KCNC4: variants seen among roughly 807,000 people sequenced by gnomAD.
KCNC4 encodes potassium voltage-gated channel subfamily C member 4.
Under a neutral mutation model 42.8 loss-of-function variants are expected in KCNC4, and 23 were observed. The ratio of observed to expected loss-of-function variants is 0.54; its 90% CI spans 0.39 to 0.76. KCNC4 has a LOEUF of 0.76. Among genes scored for constraint, KCNC4 ranks in the 30% least tolerant of loss-of-function variants. The pLI is 0.00. For missense variants in KCNC4, 751 were observed against 898.2 expected, an observed-to-expected ratio of 0.84 and a Z score of 2.10; for synonymous variants, 422 against 393.5, an observed-to-expected ratio of 1.07 and a Z score of -0.86.
intron 1 of KCNC4, among the ~76,000 whole-genome samples, chr1:110,278,565 A>G (rs1269020748): frequency 2.0e-5 from 3 of 152,192 alleles, no homozygotes; most frequent in Admixed American, 2.0e-4. Flanking sequence ...TCCCACTTAT[A>G]AGAATATCTT....
At chr1:110,276,277 A>C (rs1265617697) in intron 1 of KCNC4, among the ~76,000 whole-genome samples, 4 of 137,714 alleles carry the variant, frequency 2.9e-5, no homozygotes, top group African/African-American at 1.1e-4. Context: ...AAAAAGCTGC[A>C]CTTATATCCT....
chr1:110,269,332 TC>T (rs1262075691), intron 1 of KCNC4, among the ~76,000 whole-genome samples: 1 of 152,046 alleles, frequency 6.6e-6, no homozygotes, highest in Admixed American at 6.5e-5. Flanking sequence ...GCCAACAACT[TC>T]CCCCATCGCC....
At chr1:110,216,272 T>G (rs570090509) in intron 1 of KCNC4, among the ~76,000 whole-genome samples, 1 of 152,296 alleles carries the variant, frequency 6.6e-6, no homozygotes, top group Admixed American at 6.5e-5. Context: ...CCCTCTGAGC[T>G]AGGGTGAACC....
At chr1:110,226,264 T>G (rs1286734793) in intron 3 of KCNC4, 86 bp downstream of exon 3, 2 of 1,135,504 alleles carry the variant, frequency 1.8e-6, no homozygotes, top group Non-Finnish European at 1.3e-6. Flanking sequence ...GGTCCCCCCC[T>G]CCCCTGAGAC....
chr1:110,236,335 G>A (rs930708982), downstream of KCNC4: 1 of 152,206 alleles, frequency 6.6e-6, no homozygotes, highest in African/African-American at 2.4e-5. Flanking sequence ...AAGTAGCAAA[G>A]CTGGGATTCA....
chr1:110,272,131 C>A (rs1164425555), intron 1 of KCNC4, among the ~76,000 whole-genome samples: 1 of 152,204 alleles, frequency 6.6e-6, no homozygotes, highest in Non-Finnish European at 1.5e-5. Flanking sequence ...CTGAAGGGAC[C>A]AGCTGGACTG....
chr1:110,220,822 TGGC>T (rs1420393880), intron 1 of KCNC4: 1 of 152,214 alleles, frequency 6.6e-6, no homozygotes, highest in Non-Finnish European at 1.5e-5. Context: ...TGTATTGACT[TGGC>T]AGCCCCTTTC....
chr1:110,282,200 C>T (rs770588048), intron 1 of KCNC4, among the ~76,000 whole-genome samples: 1 of 152,248 alleles, frequency 6.6e-6, no homozygotes, highest in Non-Finnish European at 1.5e-5. Flanking sequence ...TTATCTCAAT[C>T]ACTCCCTGGA....
chr1:110,280,001 C>G (rs1659793511), intron 1 of KCNC4, among the ~76,000 whole-genome samples: 1 of 152,080 alleles, frequency 6.6e-6, no homozygotes, highest in South Asian at 2.1e-4. Context: ...GTTGGCCAGG[C>G]TGGTCTCAAT....
chr1:110,280,683 A>G (rs1659805715), intron 1 of KCNC4, among the ~76,000 whole-genome samples: 1 of 152,194 alleles, frequency 6.6e-6, no homozygotes, highest in Admixed American at 6.5e-5. Flanking sequence ...TGCAATTCAA[A>G]TAACAACAAA....
chr1:110,254,093 G>GC (rs1356996770), downstream of KCNC4, among the ~76,000 whole-genome samples: 1 of 127,448 alleles, frequency 7.8e-6, no homozygotes, highest in Non-Finnish European at 1.7e-5. Flanking sequence ...CAGAAGTCGG[G>GC]GGGGGGGCGG....
intron 3 of KCNC4, among the ~76,000 whole-genome samples, chr1:110,229,636 ATTAAGTGTATTCAT>A (rs985351753): frequency 1.3e-5 from 2 of 152,236 alleles, no homozygotes; most frequent in Admixed American, 6.5e-5. Flanking sequence ...AATTTCTATA[ATTAAGTGTATTCAT>A]TTACCTAACG....
chr1:110,250,590 T>C (rs1477805843), downstream of KCNC4, among the ~76,000 whole-genome samples: 1 of 152,190 alleles, frequency 6.6e-6, no homozygotes, highest in Non-Finnish European at 1.5e-5. Flanking sequence ...TCAGTGTGGA[T>C]AGAGATTCCT....
chr1:110,245,538 T>C (rs1395376862), exon 4 of KCNC4: 1 of 151,978 alleles, frequency 6.6e-6, no homozygotes, highest in Non-Finnish European at 1.5e-5. Flanking sequence ...ATCCTGCACG[T>C]GGTGATTGTA....
In KCNC4 at chr1:110,226,033, C is replaced by G; in HGVS notation, c.1674C>G (p.Leu558=). 6.2e-7 allele frequency: 1 copy of G among 1,613,724 alleles called. No individual in the cohort carries two copies. The highest frequency in any genetic ancestry group is 1.1e-5 in the South Asian group (1 of 91,030). The change falls in exon 3 of 4, where the codon CTC becomes CTG. Residue 558 remains leucine (L), a synonymous_variant. Transcript: ENST00000438661. ...AVLSDEEGAG[L]TQPLASSPTP... ...TGTCTGATGAGGAGGGAGCTGGCCT[C>G]ACCCAACCCCTGGCCTCCTCCCCGA...
rs762372316 is a variant in KCNC4 at position 110,211,984 on chromosome 1, A to G, written c.485A>G (p.Glu162Gly). Residue 162 changes from glutamate to glycine, a missense_variant, in exon 1 of 4, where the codon GAG becomes GGG. Glu to Gly is a moderately conservative substitution (Grantham distance 98, BLOSUM62 -2). Coordinates refer to ENST00000438661, the MANE Select transcript of KCNC4 (RefSeq NM_001039574.3). The surrounding 1 kb of genome is among the most constrained non-coding windows in gnomAD (Gnocchi z 6.5). ...GCCGAGGAGGCGCTCGACATCTTCG[A>G]GAGCCCGGACGGAGGCGGCAGCGGC... ...RDAEEALDIF[E>G]SPDGGGSGAG... is the part of the protein sequence containing the mutation. 3 of 1,610,272 alleles carry G rather than the reference A, an allele frequency of 1.9e-6. No homozygotes were observed. Among genetic ancestry groups the G allele is most frequent in the Non-Finnish European group, 2.5e-6 (3 of 1,179,316 alleles).
Position 110,211,604 on chromosome 1 carries a change from G to T in KCNC4, c.105G>T (p.Ser35=). Residue 35 remains serine, a synonymous_variant, in exon 1 of 4, where the codon TCG becomes TCT. Transcript: ENST00000438661. This position sits in a 1 kb window ranked among gnomAD's most constrained non-coding sequence, Gnocchi z 6.5. ...LKEEMAKGEA[S]EKIIINVGGT... ...AGGAGATGGCCAAGGGCGAGGCGTC[G>T]GAGAAGATCATCATCAACGTGGGCG... 1 of 1,614,048 alleles carries T rather than the reference G, an allele frequency of 6.2e-7. No individual in the cohort carries two copies.
At chr1:110,229,922 A>G (rs1658609964) in intron 3 of KCNC4, among the ~76,000 whole-genome samples, 1 of 152,156 alleles carries the variant, frequency 6.6e-6, no homozygotes, top group Non-Finnish European at 1.5e-5. Flanking sequence ...TTTTGCGGAG[A>G]GAATGACTAA....
chr1:110,276,731 T>C (rs1659733031), intron 1 of KCNC4, among the ~76,000 whole-genome samples: 2 of 152,176 alleles, frequency 1.3e-5, no homozygotes, highest in Admixed American at 6.5e-5. Context: ...AAGAGCATCA[T>C]CTTCAGGCAG....
Sources: gnomAD v4.1 joint callset for allele counts (sites outside exome capture counted in the v4.1 genomes callset) on GRCh38, gnomAD v4.1.1 for gene constraint, Gnocchi (gnomAD v3.1) non-coding constraint, MANE v1.5 for transcripts, NCBI Gene and HGNC (gene_info 2026-07-23, HGNC 2026-07-21) for gene names.